The following GTF3C1 variants were observed in gnomAD, a reference collection of about 807,000 sequenced individuals.
GTF3C1 encodes the protein general transcription factor IIIC subunit 1.
A neutral mutation model predicts 226.7 loss-of-function variants in GTF3C1; 57 were observed. The ratio of observed to expected loss-of-function variants is 0.25; its 90% CI spans 0.20 to 0.31. The LOEUF is 0.31. Among genes scored for constraint, GTF3C1 ranks in the 10% least tolerant of loss-of-function variants. GTF3C1 has a pLI of 1.00. For synonymous variants in GTF3C1, 1,090 were observed against 1,084.8 expected, an observed-to-expected ratio of 1.00 and a Z score of -0.09; for missense variants, 2,217 against 2,776.1, an observed-to-expected ratio of 0.80 and a Z score of 4.53.
At chr16:27,529,124 G>A (rs1257710733) in intron 5 of GTF3C1, among the ~76,000 whole-genome samples, 5 of 151,396 alleles carry the variant, frequency 3.3e-5, no homozygotes, top group Admixed American at 1.3e-4. Flanking sequence ...GGGCAGGAGA[G>A]AAAAAAAAGG....
In GTF3C1 at chr16:27,464,347, G is replaced by A. The variant is rs1230606364; in HGVS notation, c.5845C>T (p.Pro1949Ser). The A allele has an allele frequency of 6.5e-7, 1 of 1,539,376 alleles. No homozygotes were observed. The highest frequency in any genetic ancestry group is 8.7e-7 in the Non-Finnish European group (1 of 1,147,274). The change falls in exon 34 of 37, where the codon CCT becomes TCT. Residue 1949 changes from proline to serine, a missense_variant. Pro to Ser is a moderately conservative substitution (Grantham distance 74, BLOSUM62 -1). Transcript: ENST00000356183. ...GQEQLSGQAQ[P>S]PEGSEDPRGF... The stretch of plus-strand genomic sequence containing the variant: ...CTGGGGTCTTCAGAGCCCTCTGGAG[G>A]CTGCGCCTGGCCGCTCAGCTGCTCT...
intron 25 of GTF3C1, 74 bp downstream of exon 25, chr16:27,484,137 C>T: frequency 8.9e-7 from 1 of 1,121,662 alleles, no homozygotes; most frequent in South Asian, 1.3e-5. Context: ...TCCAGCCACA[C>T]TTCCCACCAG....
Position 27,508,662 on chromosome 16 carries a change from G to C in GTF3C1, c.1127-7C>G, listed in dbSNP as rs1567403420. 1 of 1,607,198 alleles carries C rather than the reference G, an allele frequency of 6.2e-7. No individual in the cohort carries two copies. The highest frequency in any genetic ancestry group is 8.5e-7 in the Non-Finnish European group (1 of 1,173,772). On this transcript the variant is annotated splice_region_variant and splice_polypyrimidine_tract_variant and intron_variant, in intron 7 of 36. Coordinates refer to ENST00000356183, the MANE Select transcript of GTF3C1 (RefSeq NM_001520.4). ...TTCGTGCCTCTGCGCTCAACTGTGA[G>C]AAACAATACACGTGAACCCAAACCG...
rs775959954 is a variant in GTF3C1 at position 27,469,407 on chromosome 16, G to T, written c.4958C>A (p.Ser1653Tyr). The T allele has an allele frequency of 1.2e-6, 2 of 1,613,916 alleles. No individual in the cohort carries two copies. Among genetic ancestry groups the T allele is most frequent in the South Asian group, 1.1e-5 (1 of 91,048 alleles). Residue 1653 changes from serine (S) to tyrosine (Y), a missense_variant, in exon 32 of 37, where the codon TCC becomes TAC. Transcript: ENST00000356183. The surrounding 1 kb of genome is among the most constrained non-coding windows in gnomAD (Gnocchi z 4.5). ...GTTGCGGGTGCTGACGATGCCGGGG[G>T]AGTAGTAGCCCCTCATCAGCAGGTA... is the stretch of plus-strand genomic sequence containing the variant. ...TNYLLMRGYY[S>Y]PGIVSTRNLN...
chr16:27,526,460 C>A, intron 6 of GTF3C1, among the ~76,000 whole-genome samples: 1 of 152,198 alleles, frequency 6.6e-6, no homozygotes, highest in East Asian at 1.9e-4. Context: ...TCTGTCTCTG[C>A]GGGGAAGGGC....
rs1442247960 is a variant in GTF3C1 at position 27,490,770 on chromosome 16, A to G, written c.3152-1027T>C. Among the ~76,000 whole-genome samples the G allele has an allele frequency of 2.6e-5, 4 of 152,314 alleles. No homozygotes were observed. The East Asian group carries it at 5.8e-4, about 22-fold the overall frequency. Reference sequence around the variant, plus strand: ...GTGATTCTTACGCAGGCTAATGTTCATGCAGCACCTGCTCTAAAAGATGAT... The same window carrying G: ...GTGATTCTTACGCAGGCTAATGTTCGTGCAGCACCTGCTCTAAAAGATGAT... On this transcript the variant is annotated intron_variant, in intron 19 of 36. Transcript: ENST00000356183.
At chr16:27,468,995 G>A (rs531187897) in intron 32 of GTF3C1, among the ~76,000 whole-genome samples, 3 of 152,318 alleles carry the variant, frequency 2.0e-5, no homozygotes, top group East Asian at 1.9e-4. Flanking sequence ...GTGGGGAAGC[G>A]GAAGTGCTCT....
chr16:27,469,462 C>T lies in GTF3C1; in HGVS notation c.4903G>A (p.Val1635Met). 6.2e-7 allele frequency: 1 copy of T among 1,614,208 alleles called. No individual in the cohort carries two copies. Among genetic ancestry groups the T allele is most frequent in the Non-Finnish European group, 8.5e-7 (1 of 1,180,032 alleles). The change falls in exon 32 of 37, where the codon GTG becomes ATG. Residue 1635 changes from valine (V) to methionine (M), a missense_variant. This residue lies in a region of GTF3C1 where 455 missense variants were observed against 441.9 expected (regional missense o/e 1.03). Coordinates refer to ENST00000356183, the MANE Select transcript of GTF3C1 (RefSeq NM_001520.4). The surrounding 1 kb of genome is among the most constrained non-coding windows in gnomAD (Gnocchi z 4.5). ...GVGGKRRSMEVKPAQASHTNY... is the reference protein window; with the variant it reads ...GVGGKRRSMEMKPAQASHTNY... ...GTGTGGGAGGCTTGCGCAGGTTTCA[C>T]CTCCATGCTCCGGCGCTTGCCCCCT...
At chr16:27,498,827 C>T in intron 12 of GTF3C1, 94 bp from the exon 13 acceptor site, 1 of 746,348 alleles carries the variant, frequency 1.3e-6, no homozygotes, top group South Asian at 1.4e-5. Flanking sequence ...TCAGTCATAC[C>T]TGTTTTCATT....
At chr16:27,477,669 T>C (rs1169756179) in intron 28 of GTF3C1, among the ~76,000 whole-genome samples, 1 of 152,232 alleles carries the variant, frequency 6.6e-6, no homozygotes, top group African/African-American at 2.4e-5. Flanking sequence ...GTATATAACA[T>C]ATGTAAGATA....
chr16:27,469,192 C>A lies in GTF3C1; in HGVS notation c.5074+99G>T. On this transcript the variant is annotated intron_variant, in intron 32 of 36. Transcript: ENST00000356183. This position sits in a 1 kb window ranked among gnomAD's most constrained non-coding sequence, Gnocchi z 4.5. ...GTGTGTTCTGTGGCTGCACGCCTGG[C>A]CTGGGGAGCCTGAAGGTCTAGGTCC... The A allele has an allele frequency of 7.9e-7, 1 of 1,259,144 alleles. No individual in the cohort carries two copies. Among genetic ancestry groups the A allele is most frequent in the South Asian group, 1.6e-5 (1 of 64,460 alleles). 78.0% of individuals were successfully genotyped at this position (1,259,144 alleles called of 1,614,324 possible).
At position 27,511,856 on chromosome 16, in the gene GTF3C1, T is replaced by G. The variant is rs1228852072; in HGVS notation, c.1019A>C (p.Lys340Thr). 6.2e-7 allele frequency: 1 copy of G among 1,614,140 alleles called. No individual in the cohort carries two copies. Among genetic ancestry groups the G allele is most frequent in the Non-Finnish European group, 8.5e-7 (1 of 1,180,032 alleles). The change falls in exon 7 of 37, where the codon AAA (lysine) becomes ACA (threonine). Residue 340 changes from lysine (K) to threonine (T), a missense_variant. Around this residue, in one of 12 missense-constraint regions of GTF3C1, gnomAD observed 163 missense variants for 234.3 expected, o/e 0.70. Coordinates refer to ENST00000356183, the MANE Select transcript of GTF3C1 (RefSeq NM_001520.4). ...VRCLKLLKEF[K>T]RNDHDDDEDE... is the part of the protein sequence containing the mutation. ...CTCGTCATCATCATGGTCATTCCGT[T>G]TAAATTCCTTCAGCAGCTTGAGGCA...
chr16:27,489,629 C>A lies in GTF3C1; in HGVS notation c.3266G>T (p.Arg1089Leu). ...GGTGTACTCCAGCATGGCGCACTTG[C>A]GCTCCAGGTTGTGCTTGTCCATGGC... ...ESAMDKHNLE[R>L]KCAMLEYTTG... Residue 1089 changes from arginine to leucine, a missense_variant, in exon 20 of 37, where the codon CGC becomes CTC. By Grantham distance (102) the Arg-to-Leu change is moderately radical. Transcript: ENST00000356183. The A allele has an allele frequency of 6.2e-7, 1 of 1,610,322 alleles. No individual in the cohort carries two copies. Among genetic ancestry groups the A allele is most frequent in the Non-Finnish European group, 8.5e-7 (1 of 1,179,124 alleles).
At chr16:27,491,658 A>C (rs1234972820) in intron 19 of GTF3C1, among the ~76,000 whole-genome samples, 2 of 152,146 alleles carry the variant, frequency 1.3e-5, no homozygotes, top group Non-Finnish European at 2.9e-5. Context: ...AACTCAGCCA[A>C]GTCACCAGCA....
intron 11 of GTF3C1, among the ~76,000 whole-genome samples, chr16:27,501,684 G>T (rs760795843): frequency 1.1e-4 from 17 of 152,320 alleles, no homozygotes. Context: ...CTAACACCCA[G>T]ATAAGGGCTG....
At chr16:27,514,920 T>C (rs1021229909) in intron 6 of GTF3C1, among the ~76,000 whole-genome samples, 8 of 152,194 alleles carry the variant, frequency 5.3e-5, no homozygotes, top group Admixed American at 4.6e-4. Context: ...GACGCTGGCT[T>C]CTGCCTGAGC....
In GTF3C1 at chr16:27,489,591, C is replaced by G; in HGVS notation, c.3293+11G>C. 1 of 1,598,386 alleles carries G rather than the reference C, an allele frequency of 6.3e-7. No individual in the cohort carries two copies. The highest frequency in any genetic ancestry group is 2.2e-5 in the East Asian group (1 of 44,724). On this transcript the variant is annotated intron_variant, in intron 20 of 36. Coordinates refer to ENST00000356183, the MANE Select transcript of GTF3C1 (RefSeq NM_001520.4). ...CAGTCCTGGCCGGCCGCGCTTGGGA[C>G]GGACACGCACGTGGTGTACTCCAGC...
chr16:27,477,382 C>T (rs1413532225), intron 28 of GTF3C1, among the ~76,000 whole-genome samples: 2 of 152,056 alleles, frequency 1.3e-5, no homozygotes, highest in Non-Finnish European at 1.5e-5. Context: ...TCTCAGCTCA[C>T]TGCAACCTCC....
At chr16:27,540,206 T>C (rs1439666468) in intron 2 of GTF3C1, among the ~76,000 whole-genome samples, 1 of 152,274 alleles carries the variant, frequency 6.6e-6, no homozygotes, top group African/African-American at 2.4e-5. Flanking sequence ...TCCATCTTTC[T>C]TCACATTGTT....
Sources: allele counts gnomAD v4.1 joint callset (sites outside exome capture counted in the v4.1 genomes callset), GRCh38; gene constraint gnomAD v4.1.1; regional missense constraint gnomAD v4.1.1; non-coding constraint Gnocchi (gnomAD v3.1); transcripts MANE v1.5; gene names NCBI Gene and HGNC (gene_info 2026-07-23, HGNC 2026-07-21).